Variants in PRICKLE2 observed in about 807,000 individuals in gnomAD.
PRICKLE2 encodes the protein prickle-like protein 2.
PRICKLE2 carries 21 observed loss-of-function variants against 81.4 expected under a neutral mutation model. The ratio of observed to expected loss-of-function variants is 0.26; its 90% CI spans 0.18 to 0.37. The LOEUF (loss-of-function observed/expected upper bound fraction) is 0.37, where lower values mean the gene tolerates loss of function less well. Ranked by LOEUF, PRICKLE2 falls within the 10% of genes least tolerant of loss-of-function variation. The pLI, the probability that PRICKLE2 is intolerant of heterozygous loss-of-function variation, is 1.00. For missense variants in PRICKLE2, 940 were observed against 1,109.0 expected (o/e 0.85, Z 2.16); for synonymous variants, 456 against 421.5 (o/e 1.08, Z -1.00).
At chr3:64,115,908 A>C (rs192759713) in intron 7 of PRICKLE2, among the ~76,000 whole-genome samples, 1 of 152,290 alleles carries the variant, frequency 6.6e-6, no homozygotes, top group Admixed American at 6.5e-5. Context: ...TCTCATCACC[A>C]CATGGCATAT....
chr3:64,222,549 T>A (rs1218990593), intron 1 of PRICKLE2, among the ~76,000 whole-genome samples: 3 of 152,118 alleles, frequency 2.0e-5, no homozygotes, highest in African/African-American at 7.2e-5. Flanking sequence ...CTGGCAAAAT[T>A]GTGCCATAGC....
At position 64,195,348 on chromosome 3, in the gene PRICKLE2, G is replaced by A. The variant is rs533357958; in HGVS notation, c.144+3436C>T. Among the ~76,000 whole-genome samples the A allele has an allele frequency of 3.3e-5, 5 of 152,242 alleles. No individual in the cohort carries two copies. The East Asian group carries it at 9.7e-4, about 29-fold the overall frequency. ...CGAGAACACTTCCCTAAAAGGGAGGGGACTTTCGTTTACATTATATTCAAT... is the reference window on the plus strand; with the variant it reads ...CGAGAACACTTCCCTAAAAGGGAGGAGACTTTCGTTTACATTATATTCAAT... On this transcript the variant is annotated intron_variant, in intron 2 of 7. Coordinates refer to ENST00000638394, the MANE Select transcript of PRICKLE2 (RefSeq NM_198859.4).
chr3:64,128,700 C>G (rs2077149583), intron 7 of PRICKLE2, among the ~76,000 whole-genome samples: 1 of 131,746 alleles, frequency 7.6e-6, no homozygotes, highest in Admixed American at 8.7e-5. Flanking sequence ...GAGCCAAGAT[C>G]ACACCATTGT....
intron 2 of PRICKLE2, among the ~76,000 whole-genome samples, chr3:64,233,988 C>T (rs1404564550): frequency 2.0e-5 from 3 of 152,164 alleles, no homozygotes; most frequent in Admixed American, 2.0e-4. Flanking sequence ...CATCCTGTAG[C>T]TTATATCAGA....
intron 2 of PRICKLE2, among the ~76,000 whole-genome samples, chr3:64,263,538 C>T (rs918878523): frequency 1.3e-5 from 2 of 152,134 alleles, no homozygotes; most frequent in South Asian, 2.1e-4. Flanking sequence ...CACAGGATTA[C>T]ACTCAGAATG....
At chr3:64,154,748 G>A (rs1359744237) in intron 5 of PRICKLE2, 1 of 152,106 alleles carries the variant, frequency 6.6e-6, no homozygotes, top group Non-Finnish European at 1.5e-5. Flanking sequence ...GGACATCATC[G>A]AGTAAGTGAA....
intron 2 of PRICKLE2, among the ~76,000 whole-genome samples, chr3:64,260,066 G>T (rs2079593914): frequency 6.6e-6 from 1 of 152,148 alleles, no homozygotes; most frequent in Non-Finnish European, 1.5e-5. Flanking sequence ...GGAAAACAAT[G>T]TTAAGTGGGT....
chr3:64,166,302 T>A (rs539996563), intron 2 of PRICKLE2, among the ~76,000 whole-genome samples: 1 of 152,306 alleles, frequency 6.6e-6, no homozygotes, highest in South Asian at 2.1e-4. Context: ...GATTACCCTG[T>A]CTTGGGCAGC....
At chr3:64,105,398 A>T (rs11713331) in intron 7 of PRICKLE2, among the ~76,000 whole-genome samples, 1 of 152,108 alleles carries the variant, frequency 6.6e-6, no homozygotes, top group South Asian at 2.1e-4. Flanking sequence ...AGCAGTGCCC[A>T]GTACCCTTTG....
At chr3:64,128,743 C>CAAAAAAA (rs34396377) in intron 7 of PRICKLE2, among the ~76,000 whole-genome samples, 2 of 94,112 alleles carry the variant, frequency 2.1e-5, no homozygotes, top group African/African-American at 4.2e-5. Flanking sequence ...AAGACTGTCT[C>CAAAAAAA]AAAAAAAAAA....
chr3:64,255,858 G>C (rs776846067), intron 2 of PRICKLE2, among the ~76,000 whole-genome samples: 5 of 152,208 alleles, frequency 3.3e-5, no homozygotes, highest in Non-Finnish European at 5.9e-5. Context: ...CTCCTTAAAA[G>C]AAAGTATCTG....
chr3:64,251,549 CAG>C (rs1426082881), intron 2 of PRICKLE2, among the ~76,000 whole-genome samples: 8 of 152,190 alleles, frequency 5.3e-5, no homozygotes, highest in Non-Finnish European at 8.8e-5. Context: ...GGGAAAATTT[CAG>C]TGTGGTGGGA....
chr3:64,103,321 G>A (rs950608177), intron 7 of PRICKLE2: 2 of 152,148 alleles, frequency 1.3e-5, no homozygotes, highest in East Asian at 1.9e-4. Flanking sequence ...AAACCAAACT[G>A]TCAACAGTCT....
At chr3:64,113,795 G>A (rs969589699) in intron 7 of PRICKLE2, among the ~76,000 whole-genome samples, 1 of 151,456 alleles carries the variant, frequency 6.6e-6, no homozygotes, top group Non-Finnish European at 1.5e-5. Context: ...ACTCCTGCTT[G>A]CAGGGCACAG....
chr3:64,233,483 C>T (rs2079135377), intron 2 of PRICKLE2, among the ~76,000 whole-genome samples: 1 of 152,202 alleles, frequency 6.6e-6, no homozygotes, highest in African/African-American at 2.4e-5. Flanking sequence ...ATGCCAGGCA[C>T]ATGTGTGCCT....
At chr3:64,111,258 A>G (rs1008343950) in intron 7 of PRICKLE2, among the ~76,000 whole-genome samples, 1 of 152,230 alleles carries the variant, frequency 6.6e-6, no homozygotes, top group Non-Finnish European at 1.5e-5. Flanking sequence ...CAATCTTCTT[A>G]CTGTCCTTTA....
At position 64,107,714 on chromosome 3, in the gene PRICKLE2, G is replaced by T. The variant is rs1023765760; in HGVS notation, c.1661-7789C>A. 2.6e-5 allele frequency among the ~76,000 whole-genome samples: 4 copies of T among 152,172 alleles called. No individual in the cohort carries two copies. The South Asian group carries it at 6.2e-4, about 24-fold the overall frequency. ...AACAGAAAATTAGCCAGGCATAGTG[G>T]TGTGCACCTATAGTCCCAGCTACTG... On this transcript the variant is annotated intron_variant, in intron 7 of 7. Transcript: ENST00000638394.
intron 7 of PRICKLE2, among the ~76,000 whole-genome samples, chr3:64,141,211 A>T (rs1241353968): frequency 1.3e-5 from 2 of 152,202 alleles, no homozygotes; most frequent in Non-Finnish European, 2.9e-5. Flanking sequence ...ATGGTCATTC[A>T]CATCAGCCAT....
chr3:64,187,024 C>T (rs973513045), intron 2 of PRICKLE2, among the ~76,000 whole-genome samples: 1 of 152,190 alleles, frequency 6.6e-6, no homozygotes, highest in African/African-American at 2.4e-5. Context: ...GTCTTGAAAG[C>T]TAGAACTCCA....
Sources: gnomAD v4.1 joint callset for allele counts (sites outside exome capture counted in the v4.1 genomes callset) on GRCh38, gnomAD v4.1.1 for gene constraint, MANE v1.5 for transcripts, NCBI Gene and HGNC (gene_info 2026-07-23, HGNC 2026-07-21) for gene names.